The following WWOX variants were observed in gnomAD, a reference collection of about 807,000 sequenced individuals.
The protein encoded by WWOX is WW domain containing oxidoreductase, also known as WW domain-containing oxidoreductase.
Under a neutral mutation model 46.2 loss-of-function variants are expected in WWOX, and 69 were observed. The observed-to-expected ratio is 1.49, with a 90% CI of 1.23 to 1.82. The LOEUF is 1.82. WWOX is among the 40% of genes most tolerant of loss of function. WWOX has a pLI of 0.00. For synonymous variants in WWOX, 359 were observed against 202.6 expected, an observed-to-expected ratio of 1.77 and a Z score of -6.56; for missense variants, 919 against 542.6, an observed-to-expected ratio of 1.69 and a Z score of -6.89.
At chr16:78,791,728 A>G (rs961709644) in intron 8 of WWOX, among the ~76,000 whole-genome samples, 1 of 152,056 alleles carries the variant, frequency 6.6e-6, no homozygotes, top group Non-Finnish European at 1.5e-5. Context: ...AAATGCAAAA[A>G]ATTAGCTGGG....
At chr16:78,469,092 A>G (rs900892606) in intron 8 of WWOX, among the ~76,000 whole-genome samples, 46 of 152,164 alleles carry the variant, frequency 3.0e-4, no homozygotes, top group Non-Finnish European at 3.7e-4. Context: ...GTTTTCAAAT[A>G]CTCAAATGCC....
chr16:79,122,872 G>T (rs935868443), intron 8 of WWOX, among the ~76,000 whole-genome samples: 3 of 152,192 alleles, frequency 2.0e-5, no homozygotes, highest in African/African-American at 7.2e-5. Context: ...ACTGAGGGCT[G>T]TTGTACTGAG....
chr16:79,139,773 A>C (rs1243230545), intron 8 of WWOX, among the ~76,000 whole-genome samples: 2 of 152,218 alleles, frequency 1.3e-5, no homozygotes, highest in Admixed American at 1.3e-4. Context: ...CCAATAAAAG[A>C]GGCAGAAAGG....
intron 8 of WWOX, among the ~76,000 whole-genome samples, chr16:78,871,941 C>A (rs889916165): frequency 6.6e-6 from 1 of 152,184 alleles, no homozygotes; most frequent in Admixed American, 6.5e-5. Flanking sequence ...CTGTTTTCTT[C>A]CAGCCATGCC....
At chr16:78,912,647 C>G (rs1042860295) in intron 8 of WWOX, among the ~76,000 whole-genome samples, 2 of 151,970 alleles carry the variant, frequency 1.3e-5, no homozygotes, top group African/African-American at 4.8e-5. Context: ...CATTTAATGT[C>G]CCCTTTAATT....
intron 8 of WWOX, among the ~76,000 whole-genome samples, chr16:79,114,262 G>C (rs2049469455): frequency 6.6e-6 from 1 of 151,980 alleles, no homozygotes. Context: ...TAGGGTCTTT[G>C]CAGATGTCAT....
At chr16:79,156,645 A>G (rs760988907) in intron 8 of WWOX, among the ~76,000 whole-genome samples, 4 of 152,160 alleles carry the variant, frequency 2.6e-5, no homozygotes, top group Non-Finnish European at 5.9e-5. Flanking sequence ...GTTATCTTCC[A>G]GAAACACTGC....
At chr16:78,758,612 T>C (rs1597561332) in intron 8 of WWOX, among the ~76,000 whole-genome samples, 1 of 152,202 alleles carries the variant, frequency 6.6e-6, no homozygotes, top group East Asian at 1.9e-4. Context: ...ATGGTTTCTT[T>C]TTAGCTTGTC....
chr16:79,209,502 T>C (rs1043679652), intron 8 of WWOX, among the ~76,000 whole-genome samples: 4 of 152,154 alleles, frequency 2.6e-5, no homozygotes, highest in Admixed American at 2.0e-4. Flanking sequence ...AGTATAACCA[T>C]TGTGGCATAG....
chr16:78,242,609 G>A (rs937691608), intron 5 of WWOX, among the ~76,000 whole-genome samples: 1 of 152,160 alleles, frequency 6.6e-6, no homozygotes, highest in East Asian at 1.9e-4. Context: ...AAAGGTGAGG[G>A]TAGCAGGGTG....
At chr16:78,517,153 A>G (rs1213041506) in intron 8 of WWOX, among the ~76,000 whole-genome samples, 1 of 152,228 alleles carries the variant, frequency 6.6e-6, no homozygotes, top group Non-Finnish European at 1.5e-5. Context: ...CTAAAATCTT[A>G]CAGTGCATTT....
chr16:78,754,251 GCTTCCTT>G (rs1001445832), intron 8 of WWOX, among the ~76,000 whole-genome samples: 3 of 151,966 alleles, frequency 2.0e-5, no homozygotes, highest in Admixed American at 2.0e-4. Flanking sequence ...TGAGATTCTT[GCTTCCTT>G]CTTCCTTAAG....
chr16:79,084,581 C>A (rs151123048), intron 8 of WWOX, among the ~76,000 whole-genome samples: 166 of 152,192 alleles, frequency 1.1e-3, no homozygotes, highest in African/African-American at 3.8e-3. Flanking sequence ...CGCCCGGCTA[C>A]TTTTTGTATT....
At chr16:78,195,043 C>T (rs1014176865) in intron 5 of WWOX, among the ~76,000 whole-genome samples, 12 of 152,168 alleles carry the variant, frequency 7.9e-5, no homozygotes, top group African/African-American at 2.9e-4. Flanking sequence ...TTCTTTTATG[C>T]CTTCTGCTAA....
chr16:78,935,449 C>G (rs1011207115), intron 8 of WWOX, among the ~76,000 whole-genome samples: 1 of 152,108 alleles, frequency 6.6e-6, no homozygotes, highest in Non-Finnish European at 1.5e-5. Flanking sequence ...GTTCATGTCT[C>G]TTGTAGGGAC....
chr16:79,018,803 A>G (rs1279245984), intron 8 of WWOX, among the ~76,000 whole-genome samples: 3 of 152,134 alleles, frequency 2.0e-5, no homozygotes, highest in Non-Finnish European at 4.4e-5. Context: ...TTTGTTCCCC[A>G]TAGACCCAAG....
At chr16:78,283,152 C>T (rs1489657653) in intron 5 of WWOX, among the ~76,000 whole-genome samples, 3 of 152,096 alleles carry the variant, frequency 2.0e-5, no homozygotes, top group African/African-American at 4.8e-5. Flanking sequence ...TCTGGGTTCA[C>T]CAGCCCGGCA....
At chr16:78,672,877 A>G (rs1339582966) in intron 8 of WWOX, among the ~76,000 whole-genome samples, 1 of 152,212 alleles carries the variant, frequency 6.6e-6, no homozygotes, top group Non-Finnish European at 1.5e-5. Context: ...GATGGATAGA[A>G]AAAGTAAAGC....
intron 8 of WWOX, among the ~76,000 whole-genome samples, chr16:78,689,738 A>T (rs984965756): frequency 6.6e-6 from 1 of 152,142 alleles, no homozygotes; most frequent in Non-Finnish European, 1.5e-5. Flanking sequence ...TGTCTTTATT[A>T]TATTTGGAGT....
Sources: allele counts gnomAD v4.1 joint callset (sites outside exome capture counted in the v4.1 genomes callset), GRCh38; gene constraint gnomAD v4.1.1; transcripts MANE v1.5; gene names NCBI Gene and HGNC (gene_info 2026-07-23, HGNC 2026-07-21).